The following CPE variants were observed in gnomAD, a reference collection of about 807,000 sequenced individuals.
CPE encodes carboxypeptidase E.
CPE carries 17 observed loss-of-function variants against 53.5 expected under a neutral mutation model. That is an observed-to-expected ratio of 0.32 (90% CI 0.22 to 0.48). The LOEUF is 0.48. CPE is among the 20% of genes least tolerant of loss of function. The pLI, the probability that CPE is intolerant of heterozygous loss-of-function variation, is 0.99. For missense variants in CPE, 524 were observed against 614.7 expected (o/e 0.85, Z 1.56); for synonymous variants, 226 against 228.8 (o/e 0.99, Z 0.11).
intron 3 of CPE, among the ~76,000 whole-genome samples, chr4:165,480,314 A>G (rs1732382749): frequency 6.6e-6 from 1 of 152,248 alleles, no homozygotes; most frequent in Non-Finnish European, 1.5e-5. Flanking sequence ...TATAGATTTT[A>G]ACTTAAAACA....
At chr4:165,432,966 CT>C (rs1401506546) in intron 1 of CPE, among the ~76,000 whole-genome samples, 1 of 152,210 alleles carries the variant, frequency 6.6e-6, no homozygotes, top group Admixed American at 6.5e-5. Flanking sequence ...CCAACAGCCT[CT>C]TTTGCCTGGA....
chr4:165,439,559 CTT>C (rs34260738), intron 1 of CPE, among the ~76,000 whole-genome samples: 1 of 146,582 alleles, frequency 6.8e-6, no homozygotes, highest in African/African-American at 2.5e-5. Context: ...TCGGCTGAAG[CTT>C]TTTTTTTTTT....
intron 1 of CPE, among the ~76,000 whole-genome samples, chr4:165,428,934 A>G (rs1489222850): frequency 6.6e-6 from 1 of 152,208 alleles, no homozygotes; most frequent in African/African-American, 2.4e-5. Flanking sequence ...ATAAGGTAAC[A>G]TTCACAGGTT....
At chr4:165,409,184 G>A (rs1730997913) in intron 1 of CPE, among the ~76,000 whole-genome samples, 1 of 151,404 alleles carries the variant, frequency 6.6e-6, no homozygotes, top group African/African-American at 2.4e-5. Flanking sequence ...CACTGAATAC[G>A]GGAAAGTGAT....
intron 1 of CPE, chr4:165,405,703 A>G: frequency 2.4e-6 from 2 of 817,676 alleles, no homozygotes; most frequent in South Asian, 2.6e-5. Context: ...CAGAGATTCC[A>G]CCAATTGGTC....
intron 3 of CPE, among the ~76,000 whole-genome samples, chr4:165,476,982 C>T (rs975280541): frequency 2.0e-5 from 3 of 152,224 alleles, no homozygotes; most frequent in Non-Finnish European, 2.9e-5. Flanking sequence ...CTTCTGGAAG[C>T]GGAGTCCCCA....
intron 1 of CPE, among the ~76,000 whole-genome samples, chr4:165,442,515 A>G (rs1369871542): frequency 6.6e-6 from 1 of 152,206 alleles, no homozygotes; most frequent in Non-Finnish European, 1.5e-5. Context: ...TTTCCAGATT[A>G]TAACAAGGCC....
intron 1 of CPE, among the ~76,000 whole-genome samples, chr4:165,462,898 C>G (rs1439794114): frequency 6.6e-6 from 1 of 152,280 alleles, no homozygotes. Context: ...ACTCAGGAAT[C>G]TCATGCAAAG....
intron 1 of CPE, among the ~76,000 whole-genome samples, chr4:165,426,755 A>G (rs13110546): frequency 0.3 from 44,891 of 152,002 alleles, 6,698 homozygotes; most frequent in Middle Eastern, 0.39. Context: ...CTTTGTTACA[A>G]TCTCACCAAT....
At chr4:165,407,548 T>C (rs1265167259) in intron 1 of CPE, among the ~76,000 whole-genome samples, 1 of 151,470 alleles carries the variant, frequency 6.6e-6, no homozygotes, top group East Asian at 1.9e-4. Flanking sequence ...GGCTTCAATT[T>C]TTTCTTTTTT....
At chr4:165,398,187 ATAAACT>A (rs143164769) in intron 1 of CPE, among the ~76,000 whole-genome samples, 4,137 of 152,128 alleles carry the variant, frequency 0.027, 131 homozygotes, top group African/African-American at 0.077. Flanking sequence ...TAATTAATAC[ATAAACT>A]TATTTTATTA....
At chr4:165,405,756 G>A (rs6837954) in intron 1 of CPE, 397,175 of 916,358 alleles carry the variant, frequency 0.43, 88,817 homozygotes, top group African/African-American at 0.57. Context: ...GGATGTTTCT[G>A]CCAGTCAGCA....
At chr4:165,390,165 T>A (rs1191212081) in intron 1 of CPE, among the ~76,000 whole-genome samples, 1 of 152,196 alleles carries the variant, frequency 6.6e-6, no homozygotes, top group African/African-American at 2.4e-5. Context: ...GAGGTGGCTA[T>A]CTTTGGCAGA....
intron 1 of CPE, among the ~76,000 whole-genome samples, chr4:165,397,750 C>A (rs997233680): frequency 1.3e-5 from 2 of 151,898 alleles, no homozygotes; most frequent in Non-Finnish European, 2.9e-5. Context: ...GTATTAAAAA[C>A]AAGCTTTTGG....
Position 165,398,026 on chromosome 4 carries a change from G to A in CPE, c.307+18498G>A, listed in dbSNP as rs563789193. ...ATGATTGCATCACTGTACACAGCTTGAGCGACAGAGCAAGTCCTCATTTCT... is the reference window on the plus strand; with the variant it reads ...ATGATTGCATCACTGTACACAGCTTAAGCGACAGAGCAAGTCCTCATTTCT... On this transcript the variant is annotated intron_variant, in intron 1 of 8. Coordinates refer to ENST00000402744, the MANE Select transcript of CPE (RefSeq NM_001873.4). Among the ~76,000 whole-genome samples the A allele has an allele frequency of 1.1e-4, 16 of 141,012 alleles. No individual in the cohort carries two copies. In the South Asian group the frequency reaches 3.1e-3, roughly 27 times the overall value. The allele number at this position is 141,012 out of a possible 152,430, so 92.5% of individuals were successfully genotyped here.
intron 7 of CPE, among the ~76,000 whole-genome samples, chr4:165,494,607 A>G (rs1458999936): frequency 1.3e-5 from 2 of 152,186 alleles, no homozygotes; most frequent in South Asian, 2.1e-4. Flanking sequence ...AATCTGTTCA[A>G]TGGAGTGAAT....
rs562818741 is a variant in CPE, at chr4:165,384,530, C to T, written c.307+5002C>T. Among the ~76,000 whole-genome samples, 5 of 152,246 alleles carry T rather than the reference C, an allele frequency of 3.3e-5. No homozygotes were observed. In the South Asian group the frequency reaches 8.3e-4, roughly 25 times the overall value. ...CAGCTACTTGGGGGGCTTAGGAGGGCGCTTGAGCCCAGGAATTTGAGGCTA... is the reference window on the plus strand; with the variant it reads ...CAGCTACTTGGGGGGCTTAGGAGGGTGCTTGAGCCCAGGAATTTGAGGCTA... On this transcript the variant is annotated intron_variant, in intron 1 of 8. Coordinates refer to ENST00000402744, the MANE Select transcript of CPE (RefSeq NM_001873.4).
chr4:165,443,376 T>C (rs749731974), intron 1 of CPE, among the ~76,000 whole-genome samples: 10 of 152,216 alleles, frequency 6.6e-5, no homozygotes, highest in Non-Finnish European at 1.3e-4. Flanking sequence ...TATTTCATCT[T>C]CCCAGTGATT....
chr4:165,455,996 C>G (rs1731895558), intron 1 of CPE, among the ~76,000 whole-genome samples: 1 of 152,054 alleles, frequency 6.6e-6, no homozygotes, highest in South Asian at 2.1e-4. Flanking sequence ...TCATAGGTAG[C>G]TTCTTCTTGA....
Sources: allele counts gnomAD v4.1 joint callset (sites outside exome capture counted in the v4.1 genomes callset), GRCh38; gene constraint gnomAD v4.1.1; transcripts MANE v1.5; gene names NCBI Gene and HGNC (gene_info 2026-07-23, HGNC 2026-07-21).